The following MGA variants were observed in gnomAD, a reference collection of about 807,000 sequenced individuals.
The protein encoded by MGA is MAX gene-associated protein.
In MGA, 40 loss-of-function variants were observed where a neutral mutation model predicts 261.1. The observed-to-expected ratio is 0.15, with a 90% CI of 0.12 to 0.20. The LOEUF (loss-of-function observed/expected upper bound fraction) is 0.20, where lower values mean the gene tolerates loss of function less well. Among genes scored for constraint, MGA ranks in the 10% least tolerant of loss-of-function variants. MGA has a pLI of 1.00. For missense variants in MGA, 3,397 were observed against 3,630.5 expected (o/e 0.94, Z 1.65); for synonymous variants, 1,302 against 1,290.6 (o/e 1.01, Z -0.19).
upstream of MGA, among the ~76,000 whole-genome samples, chr15:41,657,203 T>C (rs957923429): frequency 1.3e-5 from 2 of 152,148 alleles, no homozygotes; most frequent in African/African-American, 2.4e-5. Context: ...CAGATATTGG[T>C]GGCAATCATA....
intron 2 of MGA, chr15:41,684,412 T>G: frequency 2.2e-6 from 1 of 453,666 alleles, no homozygotes; most frequent in Non-Finnish European, 4.4e-6. Flanking sequence ...TTGCCTAATT[T>G]ATTTGGATAG....
At chr15:41,660,215 C>G, upstream of MGA, among the ~76,000 whole-genome samples, 1 of 152,214 alleles carries the variant, frequency 6.6e-6, no homozygotes, top group Non-Finnish European at 1.5e-5. Flanking sequence ...GTAGGCTTTT[C>G]TGGGTTGCAG....
At chr15:41,624,091 G>T (rs1357652509) in intron 1 of MGA, among the ~76,000 whole-genome samples, 7 of 148,688 alleles carry the variant, frequency 4.7e-5, no homozygotes, top group Admixed American at 4.7e-4. Flanking sequence ...TTTTTTGAGG[G>T]TCTCACTCTG....
At chr15:41,737,686 A>C (rs2061862030) in intron 13 of MGA, among the ~76,000 whole-genome samples, 1 of 152,186 alleles carries the variant, frequency 6.6e-6, no homozygotes, top group Non-Finnish European at 1.5e-5. Context: ...TCATAGTCAG[A>C]AAAGGTTTTT....
chr15:41,736,255 G>A lies in MGA; in HGVS notation c.3991G>A (p.Gly1331Ser), dbSNP rs1400829937. Residue 1331 changes from glycine (G) to serine (S), a missense_variant, in exon 13 of 24, where the codon GGT becomes AGT. Gly to Ser is a moderately conservative substitution (Grantham distance 56). Transcript: ENST00000219905. The stretch of plus-strand genomic sequence containing the variant: ...TTATATGCATCAGAGGTCACCTGGT[G>A]GTCCCACCAAACTGATTGAGATCAT... 1 of 1,613,768 alleles carries A rather than the reference G, an allele frequency of 6.2e-7. No homozygotes were observed. Among genetic ancestry groups the A allele is most frequent in the Non-Finnish European group, 8.5e-7 (1 of 1,179,858 alleles).
intron 23 of MGA, 61 bp downstream of exon 23, chr15:41,765,123 G>T: frequency 1.3e-6 from 2 of 1,559,914 alleles, no homozygotes; most frequent in South Asian, 2.2e-5. Context: ...ATCTCACGGT[G>T]ACCAAGGAAG....
chr15:41,645,324 T>A (rs2056915345), intron 1 of MGA, among the ~76,000 whole-genome samples: 1 of 152,242 alleles, frequency 6.6e-6, no homozygotes, highest in Admixed American at 6.5e-5. Context: ...GTGCGGTGGC[T>A]CACGCCTGTA....
At chr15:41,765,368 T>C (rs1239174889) in intron 23 of MGA, among the ~76,000 whole-genome samples, 1 of 152,260 alleles carries the variant, frequency 6.6e-6, no homozygotes, top group East Asian at 1.9e-4. Context: ...TTGGTGTTGA[T>C]AAATATTTGT....
chr15:41,623,409 C>T (rs576507040), intron 1 of MGA, among the ~76,000 whole-genome samples: 20 of 152,180 alleles, frequency 1.3e-4, no homozygotes, highest in Non-Finnish European at 2.9e-4. Flanking sequence ...TATATTGGAA[C>T]AATCAACTGT....
chr15:41,758,116 C>G (rs1004892905), intron 19 of MGA, among the ~76,000 whole-genome samples: 2 of 152,006 alleles, frequency 1.3e-5, no homozygotes, highest in Admixed American at 1.3e-4. Flanking sequence ...GAAAACTGTT[C>G]TTGTAATGGT....
chr15:41,663,907 T>C (rs906301036), intron 1 of MGA, among the ~76,000 whole-genome samples: 3 of 152,272 alleles, frequency 2.0e-5, no homozygotes, highest in Admixed American at 6.5e-5. Flanking sequence ...TGTTTTACAA[T>C]ATTTATCTTA....
chr15:41,650,911 T>G (rs2057029408), intron 1 of MGA, among the ~76,000 whole-genome samples: 1 of 152,208 alleles, frequency 6.6e-6, no homozygotes, highest in African/African-American at 2.4e-5. Context: ...CATCTGGTCT[T>G]AGTCCATTTT....
chr15:41,682,562 C>T lies in MGA; in HGVS notation c.1064+12604C>T, dbSNP rs2058738811. Among the ~76,000 whole-genome samples the T allele has an allele frequency of 2.0e-5, 3 of 152,080 alleles. 1 individual carries two copies. In the South Asian group the frequency reaches 6.2e-4, roughly 31 times the overall value. ...GTGGTGTGATCTTGGCTCACTGCAA[C>T]CTCTGCCACCTGGGTTCAAGGGATT... On this transcript the variant is annotated intron_variant, in intron 2 of 23. Transcript: ENST00000219905.
chr15:41,657,867 C>T (rs1187088904), upstream of MGA, among the ~76,000 whole-genome samples: 1 of 151,738 alleles, frequency 6.6e-6, no homozygotes, highest in East Asian at 1.9e-4. Context: ...AAATCAGAAC[C>T]GAAAGGATTG....
chr15:41,679,695 G>A (rs962967562), intron 2 of MGA, among the ~76,000 whole-genome samples: 2 of 151,938 alleles, frequency 1.3e-5, no homozygotes, highest in Non-Finnish European at 2.9e-5. Flanking sequence ...TGTTTATTAA[G>A]TGAGTGGCTT....
intron 1 of MGA, among the ~76,000 whole-genome samples, chr15:41,648,023 A>G (rs1169337926): frequency 1.3e-5 from 2 of 152,202 alleles, no homozygotes; most frequent in Non-Finnish European, 2.9e-5. Context: ...CGACACTATC[A>G]TCATTGCCTC....
intron 1 of MGA, among the ~76,000 whole-genome samples, chr15:41,642,213 T>G (rs2150634649): frequency 6.6e-6 from 1 of 152,346 alleles, no homozygotes; most frequent in African/African-American, 2.4e-5. Context: ...TGAGCATCAT[T>G]TCATGTGCTT....
intron 9 of MGA, among the ~76,000 whole-genome samples, chr15:41,717,662 G>A (rs1267509082): frequency 6.6e-6 from 1 of 152,138 alleles, no homozygotes; most frequent in Non-Finnish European, 1.5e-5. Context: ...GGTCTGAGTT[G>A]CTTCACTGTT....
At chr15:41,743,620 A>G (rs1400731504) in intron 15 of MGA, among the ~76,000 whole-genome samples, 1 of 152,174 alleles carries the variant, frequency 6.6e-6, no homozygotes, top group Admixed American at 6.5e-5. Context: ...GCTGAGAGCT[A>G]GGGGTGCACA....
Sources: allele counts gnomAD v4.1 joint callset (sites outside exome capture counted in the v4.1 genomes callset), GRCh38; gene constraint gnomAD v4.1.1; transcripts MANE v1.5; gene names NCBI Gene and HGNC (gene_info 2026-07-23, HGNC 2026-07-21).